The following CUBN variants were observed in gnomAD, a reference collection of about 807,000 sequenced individuals.
CUBN encodes cubilin.
Under a neutral mutation model 405.3 loss-of-function variants are expected in CUBN, and 282 were observed. The observed-to-expected ratio is 0.70, with a 90% confidence interval of 0.63 to 0.77. The LOEUF is 0.77. CUBN is among the 30% of genes least tolerant of loss of function. The pLI, the probability that CUBN is intolerant of heterozygous loss-of-function variation, is 0.00. For synonymous variants in CUBN, 1,684 were observed against 1,617.0 expected (o/e 1.04, Z -0.99); for missense variants, 4,514 against 4,475.2 (o/e 1.01, Z -0.25).
intron 36 of CUBN, among the ~76,000 whole-genome samples, chr10:16,945,859 C>T (rs1842764928): frequency 1.3e-5 from 2 of 150,582 alleles, no homozygotes; most frequent in Admixed American, 1.3e-4. Context: ...CAGAGGGTGT[C>T]TTTGTTTTAA....
chr10:17,078,234 G>T (rs940960150), intron 17 of CUBN, among the ~76,000 whole-genome samples: 1 of 152,058 alleles, frequency 6.6e-6, no homozygotes, highest in African/African-American at 2.4e-5. Flanking sequence ...TCAGGGTCTA[G>T]CTCCTGCCTA....
chr10:16,968,945 C>T (rs910008529), intron 31 of CUBN, among the ~76,000 whole-genome samples: 2 of 152,182 alleles, frequency 1.3e-5, no homozygotes, highest in African/African-American at 4.8e-5. Flanking sequence ...AATATATTAC[C>T]AAATGTGTTG....
intron 49 of CUBN, 22 bp from the exon 50 acceptor site, chr10:16,906,431 G>A: frequency 6.5e-7 from 1 of 1,541,568 alleles, no homozygotes; most frequent in Non-Finnish European, 9.0e-7. Flanking sequence ...GAAGGCAACA[G>A]AGAAAGTAGT....
chr10:17,064,551 T>C (rs1291221658), intron 22 of CUBN, among the ~76,000 whole-genome samples: 1 of 152,164 alleles, frequency 6.6e-6, no homozygotes, highest in Non-Finnish European at 1.5e-5. Context: ...CTTGGAAGCA[T>C]GGTCACCATA....
At position 17,041,035 on chromosome 10, in the gene CUBN, C is replaced by T; in HGVS notation, c.4015G>A (p.Glu1339Lys). 2 of 1,613,022 alleles carry T rather than the reference C, an allele frequency of 1.2e-6. No homozygotes were observed. The highest frequency in any genetic ancestry group is 1.7e-6 in the Non-Finnish European group (2 of 1,179,040). The change falls in exon 27 of 67, where the codon GAG becomes AAG. Residue 1339 changes from glutamate to lysine, a missense_variant and splice_region_variant. Coordinates refer to ENST00000377833, the MANE Select transcript of CUBN (RefSeq NM_001081.4). Reference sequence around the variant, plus strand: ...CAATCAAGCTTTATAATACATACCTCTAAATAATCTGTGGAGCAGTTTATG... The same window carrying T: ...CAATCAAGCTTTATAATACATACCTTTAAATAATCTGTGGAGCAGTTTATG... The part of the protein sequence containing the change: ...HHINCSTDYL[E>K]LYDGPRQMGR...
In CUBN at chr10:17,068,060, T is replaced by A. The variant is rs1340909139; in HGVS notation, c.3008+4A>T. 6.2e-7 allele frequency: 1 copy of A among 1,605,560 alleles called. No individual in the cohort carries two copies. Among genetic ancestry groups the A allele is most frequent in the Non-Finnish European group, 8.5e-7 (1 of 1,172,512 alleles). On this transcript the variant is annotated splice_donor_region_variant and intron_variant, in intron 21 of 66. Coordinates refer to ENST00000377833, the MANE Select transcript of CUBN (RefSeq NM_001081.4). The stretch of plus-strand genomic sequence containing the variant: ...GTTAAACAAACAAACAAACATAACC[T>A]TACCTTCCAAGGGATGTCTCAGAGT...
At chr10:16,840,296 T>C (rs1316323066) in intron 62 of CUBN, 34 bp downstream of exon 62, 1 of 1,543,262 alleles carries the variant, frequency 6.5e-7, no homozygotes, top group Non-Finnish European at 9.0e-7. Context: ...AAAAGGTCAC[T>C]AGATGTGACT....
intron 22 of CUBN, 46 bp from the exon 23 acceptor site, chr10:17,047,649 T>C: frequency 2.6e-6 from 4 of 1,513,982 alleles, no homozygotes; most frequent in Non-Finnish European, 3.7e-6. Flanking sequence ...AAAATATTGA[T>C]ATGTTTATAA....
chr10:16,865,475 G>A (rs1341831455), intron 59 of CUBN, among the ~76,000 whole-genome samples: 6 of 145,766 alleles, frequency 4.1e-5, no homozygotes, highest in Admixed American at 3.3e-4. Context: ...CTGGGCAACA[G>A]GGGCTGGCTG....
At chr10:16,896,463 T>A (rs1256818056) in intron 54 of CUBN, among the ~76,000 whole-genome samples, 1 of 152,188 alleles carries the variant, frequency 6.6e-6, no homozygotes, top group African/African-American at 2.4e-5. Context: ...TTCCTTTGTT[T>A]CAGCACTTGA....
intron 54 of CUBN, among the ~76,000 whole-genome samples, chr10:16,892,196 C>T (rs1841049891): frequency 6.6e-6 from 1 of 152,142 alleles, no homozygotes; most frequent in Admixed American, 6.5e-5. Flanking sequence ...GATTTTTAAG[C>T]ACTGGGTATC....
chr10:16,876,035 A>C (rs1038878370), intron 57 of CUBN, among the ~76,000 whole-genome samples: 1 of 152,206 alleles, frequency 6.6e-6, no homozygotes, highest in African/African-American at 2.4e-5. Context: ...AGCTAATGTG[A>C]ACAAATTATG....
intron 28 of CUBN, among the ~76,000 whole-genome samples, chr10:17,013,429 TCTGA>T (rs1834242352): frequency 6.6e-6 from 1 of 152,140 alleles, no homozygotes; most frequent in African/African-American, 2.4e-5. Flanking sequence ...TGTCTCTCTG[TCTGA>T]CTTTCTGTCT....
intron 13 of CUBN, among the ~76,000 whole-genome samples, chr10:17,101,942 C>T (rs1269091205): frequency 6.6e-6 from 1 of 152,124 alleles, no homozygotes; most frequent in Non-Finnish European, 1.5e-5. Context: ...TAGAACATGG[C>T]AGAGCAAAGA....
At chr10:17,126,189 C>T (rs1229903962) in intron 4 of CUBN, among the ~76,000 whole-genome samples, 1 of 152,182 alleles carries the variant, frequency 6.6e-6, no homozygotes, top group Non-Finnish European at 1.5e-5. Flanking sequence ...TAGAAGGTTA[C>T]AGCTTCCATG....
chr10:16,862,189 C>CACACACAT (rs1840039328), intron 59 of CUBN, among the ~76,000 whole-genome samples: 5 of 151,360 alleles, frequency 3.3e-5, no homozygotes, highest in African/African-American at 1.2e-4. Flanking sequence ...CACACACACA[C>CACACACAT]ACACATCACA....
In CUBN at chr10:16,890,333, C is replaced by T. The variant is rs371483116; in HGVS notation, c.8755+38G>A. On this transcript the variant is annotated intron_variant, in intron 55 of 66. Transcript: ENST00000377833. Reference sequence around the variant, plus strand: ...TGCCTGCCTGTGACAACCACACTCCCGCAAAGACCTCTGGGTTTGGTTCTT... The same window carrying T: ...TGCCTGCCTGTGACAACCACACTCCTGCAAAGACCTCTGGGTTTGGTTCTT... The T allele has an allele frequency of 9.4e-5, 151 of 1,610,710 alleles. 1 individual carries two copies. In the Admixed American group the frequency reaches 1.1e-3, roughly 12 times the overall value.
At chr10:16,865,090 T>A (rs1326772085) in intron 59 of CUBN, among the ~76,000 whole-genome samples, 1 of 148,408 alleles carries the variant, frequency 6.7e-6, no homozygotes, top group African/African-American at 2.5e-5. Flanking sequence ...TGCCTCAGCC[T>A]CCCAAGTAGC....
chr10:16,995,915 T>A (rs1833720954), intron 28 of CUBN, among the ~76,000 whole-genome samples: 1 of 152,174 alleles, frequency 6.6e-6, no homozygotes. Context: ...TCAGGCCCAT[T>A]GTAGAGGTGA....
Sources: allele counts gnomAD v4.1 joint callset (sites outside exome capture counted in the v4.1 genomes callset), GRCh38; gene constraint gnomAD v4.1.1; transcripts MANE v1.5; gene names NCBI Gene and HGNC (gene_info 2026-07-23, HGNC 2026-07-21).